Variants in ARHGAP15 observed in about 807,000 individuals in gnomAD.
ARHGAP15 encodes the protein Rho GTPase activating protein 15.
Under a neutral mutation model 63.7 loss-of-function variants are expected in ARHGAP15, and 51 were observed. That is an observed-to-expected ratio of 0.80 (90% CI 0.64 to 1.01). ARHGAP15 has a LOEUF of 1.01. Among genes scored for constraint, ARHGAP15 ranks in the 50% least tolerant of loss-of-function variants. The pLI is 0.00. For synonymous variants in ARHGAP15, 191 were observed against 193.8 expected (o/e 0.99, Z 0.12); for missense variants, 560 against 564.6 (o/e 0.99, Z 0.08).
chr2:143,172,436 G>A (rs1352626310), intron 2 of ARHGAP15, among the ~76,000 whole-genome samples: 2 of 152,184 alleles, frequency 1.3e-5, no homozygotes, highest in South Asian at 2.1e-4. Flanking sequence ...GTTGGGTAAA[G>A]CATAGGTTAG....
intron 10 of ARHGAP15, among the ~76,000 whole-genome samples, chr2:143,546,415 TTG>T (rs1222605200): frequency 6.6e-6 from 1 of 152,144 alleles, no homozygotes; most frequent in African/African-American, 2.4e-5. Flanking sequence ...GAGCCTTTTA[TTG>T]TGTTTCTTTA....
intron 12 of ARHGAP15, among the ~76,000 whole-genome samples, chr2:143,658,234 C>T (rs907883639): frequency 1.3e-5 from 2 of 152,146 alleles, no homozygotes; most frequent in African/African-American, 4.8e-5. Flanking sequence ...TACTCTCTAC[C>T]ACTCTCTTAT....
intron 4 of ARHGAP15, among the ~76,000 whole-genome samples, chr2:143,225,766 GA>G (rs1693187777): frequency 6.6e-6 from 1 of 152,148 alleles, no homozygotes; most frequent in African/African-American, 2.4e-5. Context: ...TTAGTAAATA[GA>G]GATGTTAGTA....
intron 6 of ARHGAP15, among the ~76,000 whole-genome samples, chr2:143,336,940 C>T (rs921811689): frequency 2.6e-5 from 4 of 152,036 alleles, no homozygotes; most frequent in Non-Finnish European, 5.9e-5. Context: ...AGATTCCTAT[C>T]ACCAAGGAGT....
At chr2:143,730,616 TTCAAAAG>T (rs1342603525) in intron 13 of ARHGAP15, among the ~76,000 whole-genome samples, 8 of 151,942 alleles carry the variant, frequency 5.3e-5, no homozygotes, top group Non-Finnish European at 1.2e-4. Flanking sequence ...AGAAATAGAG[TTCAAAAG>T]TCAAAAGTGC....
At chr2:143,304,568 T>G (rs941920277) in intron 6 of ARHGAP15, among the ~76,000 whole-genome samples, 2 of 152,070 alleles carry the variant, frequency 1.3e-5, no homozygotes, top group Non-Finnish European at 2.9e-5. Flanking sequence ...CAAACCTGCA[T>G]GTTGTGCACA....
intron 5 of ARHGAP15, among the ~76,000 whole-genome samples, chr2:143,246,482 A>G (rs1040948120): frequency 6.6e-6 from 1 of 151,988 alleles, no homozygotes; most frequent in African/African-American, 2.4e-5. Context: ...GGCAAGAGGA[A>G]GAAGAGAAAG....
chr2:143,377,431 A>G (rs1686863779), intron 6 of ARHGAP15, among the ~76,000 whole-genome samples: 1 of 150,880 alleles, frequency 6.6e-6, no homozygotes, highest in South Asian at 2.1e-4. Flanking sequence ...GAAAAAATAA[A>G]ATAATAATGC....
intron 10 of ARHGAP15, among the ~76,000 whole-genome samples, chr2:143,541,929 C>A (rs1454927758): frequency 6.6e-6 from 1 of 152,196 alleles, no homozygotes; most frequent in African/African-American, 2.4e-5. Context: ...TTTAAGTCTG[C>A]AGAGGTTATT....
chr2:143,158,472 C>T (rs1226939887), intron 2 of ARHGAP15, among the ~76,000 whole-genome samples: 1 of 151,890 alleles, frequency 6.6e-6, no homozygotes, highest in Non-Finnish European at 1.5e-5. Flanking sequence ...ATGAATCCTC[C>T]ATTAGTATTT....
At chr2:143,322,818 A>G (rs575524611) in intron 6 of ARHGAP15, among the ~76,000 whole-genome samples, 2 of 152,312 alleles carry the variant, frequency 1.3e-5, no homozygotes, top group South Asian at 4.1e-4. Flanking sequence ...GTTTGTCCTG[A>G]TAACTGGGAG....
intron 10 of ARHGAP15, among the ~76,000 whole-genome samples, chr2:143,537,666 T>A (rs1437910467): frequency 3.9e-5 from 6 of 152,194 alleles, no homozygotes; most frequent in African/African-American, 9.7e-5. Flanking sequence ...TTTTGTCAGG[T>A]TTGTCAAAGA....
At chr2:143,388,005 A>G (rs1687372821) in intron 6 of ARHGAP15, among the ~76,000 whole-genome samples, 1 of 152,126 alleles carries the variant, frequency 6.6e-6, no homozygotes, top group African/African-American at 2.4e-5. Flanking sequence ...TGCCTCAAAG[A>G]CTACCTAATG....
At chr2:143,285,624 A>G (rs1161067032) in intron 6 of ARHGAP15, among the ~76,000 whole-genome samples, 1 of 152,176 alleles carries the variant, frequency 6.6e-6, no homozygotes, top group Non-Finnish European at 1.5e-5. Flanking sequence ...AAAACAGCTA[A>G]TATTTTGTGA....
chr2:143,144,356 AT>A (rs1367729470), intron 1 of ARHGAP15, among the ~76,000 whole-genome samples: 1 of 152,028 alleles, frequency 6.6e-6, no homozygotes, highest in African/African-American at 2.4e-5. Flanking sequence ...GGTTAAACTA[AT>A]TTGTACTCCC....
At chr2:143,394,497 G>A (rs1687673885) in intron 6 of ARHGAP15, among the ~76,000 whole-genome samples, 1 of 152,170 alleles carries the variant, frequency 6.6e-6, no homozygotes, top group Non-Finnish European at 1.5e-5. Context: ...CCCTCTGTAA[G>A]TCACCAACCC....
chr2:143,280,687 G>A (rs968233544), intron 6 of ARHGAP15, among the ~76,000 whole-genome samples: 11 of 152,104 alleles, frequency 7.2e-5, no homozygotes, highest in African/African-American at 2.4e-4. Context: ...TTCTTGTGAA[G>A]CATTCACAGC....
At chr2:143,664,090 C>A (rs1444091734) in intron 12 of ARHGAP15, among the ~76,000 whole-genome samples, 2 of 152,032 alleles carry the variant, frequency 1.3e-5, no homozygotes, top group African/African-American at 4.8e-5. Context: ...ACTCTCCACC[C>A]CAAATCAACA....
At chr2:143,371,246 C>A (rs1055703160) in intron 6 of ARHGAP15, among the ~76,000 whole-genome samples, 1 of 152,180 alleles carries the variant, frequency 6.6e-6, no homozygotes, top group African/African-American at 2.4e-5. Context: ...GGGTTTGCTG[C>A]ACCTATTAAC....
Sources: allele counts gnomAD v4.1 joint callset (sites outside exome capture counted in the v4.1 genomes callset), GRCh38; gene constraint gnomAD v4.1.1; transcripts MANE v1.5; gene names NCBI Gene and HGNC (gene_info 2026-07-23, HGNC 2026-07-21).